The following SF3B2 variants were observed in gnomAD, a reference collection of about 807,000 sequenced individuals.
The protein encoded by SF3B2 is splicing factor 3b subunit 2, also known as SAP 145.
Under a neutral mutation model 116.3 loss-of-function variants are expected in SF3B2, and 22 were observed. The ratio of observed to expected loss-of-function variants is 0.19; its 90% CI spans 0.14 to 0.27. The LOEUF is 0.27. SF3B2 is among the 10% of genes least tolerant of loss of function. The probability of loss-of-function intolerance (pLI) is 1.00; values close to 1 mark genes in which losing one functional copy is unlikely to be tolerated. For missense variants in SF3B2, 767 were observed against 1,151.4 expected (o/e 0.67, Z 4.83); for synonymous variants, 406 against 421.6 (o/e 0.96, Z 0.45).
Position 66,060,582 on chromosome 11 carries a change from G to A in SF3B2, c.1630G>A (p.Glu544Lys). 6.2e-7 allele frequency: 1 copy of A among 1,614,132 alleles called. No homozygotes were observed. The highest frequency in any genetic ancestry group is 8.5e-7 in the Non-Finnish European group (1 of 1,180,006). Residue 544 changes from glutamate (E) to lysine (K), a missense_variant and splice_region_variant, in exon 14 of 22, where the codon GAA becomes AAA. Transcript: ENST00000322535. ...QEMREALQEK[E>K]EQKTMKSKMR... is the part of the protein sequence containing the mutation. ...GCTTGTTTGCTGCCATTCTCCACAG[G>A]AAGAACAGAAGACCATGAAGTCAAA...
chr11:66,058,054 A>C lies in SF3B2; in HGVS notation c.778A>C (p.Met260Leu), dbSNP rs140538228. ...PPPPGDENREMDDPSVGPKIP... is the reference protein window; with the variant it reads ...PPPPGDENRELDDPSVGPKIP... ...TTCTCTGACTGGGTGTCTCTGGCAG[A>C]TGGATGACCCCTCTGTGGGCCCCAA... The change falls in exon 8 of 22, where the codon ATG (methionine) becomes CTG (leucine). Residue 260 changes from methionine to leucine, a missense_variant and splice_region_variant. Met to Leu is a conservative substitution (Grantham distance 15). Transcript: ENST00000322535. 1.6e-4 allele frequency: 261 copies of C among 1,603,592 alleles called. No homozygotes were observed. Among genetic ancestry groups the C allele is most frequent in the Middle Eastern group, 3.3e-4 (2 of 6,002 alleles).
chr11:66,059,168 AG>A lies in SF3B2; in HGVS notation c.1183-30del. On this transcript the variant is annotated intron_variant, in intron 10 of 21. Transcript: ENST00000322535. This position sits in a 1 kb window ranked among gnomAD's most constrained non-coding sequence, Gnocchi z 5.0. ...CCTTAGGAACTGGGAAGGGGCTCAGAGGGCAGGGGTTTCACCTTGTCTGCCT... is the reference window on the plus strand; with the variant it reads ...CCTTAGGAACTGGGAAGGGGCTCAGAGGCAGGGGTTTCACCTTGTCTGCCT... The A allele has an allele frequency of 6.2e-7, 1 of 1,613,752 alleles. No individual in the cohort carries two copies. Among genetic ancestry groups the A allele is most frequent in the Non-Finnish European group, 8.5e-7 (1 of 1,179,866 alleles).
intron 14 of SF3B2, 34 bp downstream of exon 14, chr11:66,060,765 C>A (rs770930676): frequency 4.0e-5 from 64 of 1,608,754 alleles, no homozygotes; most frequent in Non-Finnish European, 5.4e-5. Context: ...TCAGGCTGGG[C>A]CTTGGGGTTG....
chr11:66,059,624 T>C lies in SF3B2; in HGVS notation c.1401+29T>C. 1.9e-6 allele frequency: 3 copies of C among 1,611,336 alleles called. No individual in the cohort carries two copies. The highest frequency in any genetic ancestry group is 2.5e-6 in the Non-Finnish European group (3 of 1,177,650). ...AGACCTGAGAGGATCCTGCAGGCCCTGGAGCCCAGCTGGGAGACCACCTGG... is the reference window on the plus strand; with the variant it reads ...AGACCTGAGAGGATCCTGCAGGCCCCGGAGCCCAGCTGGGAGACCACCTGG... On this transcript the variant is annotated intron_variant, in intron 12 of 21. Coordinates refer to ENST00000322535, the MANE Select transcript of SF3B2 (RefSeq NM_006842.3). The surrounding 1 kb of genome is among the most constrained non-coding windows in gnomAD (Gnocchi z 5.0).
intron 13 of SF3B2, 49 bp downstream of exon 13, chr11:66,060,058 C>T: frequency 1.3e-6 from 2 of 1,531,066 alleles, no homozygotes; most frequent in Non-Finnish European, 1.8e-6. Flanking sequence ...CCCCATCCTT[C>T]ATAGCAGTGT....
chr11:66,052,381 T>C lies in SF3B2; in HGVS notation c.-4T>C, dbSNP rs770617565. Reference sequence around the variant, plus strand: ...GGTTGGTCGCGCGCCTTCCTGCGGCTAAGATGGCGACGGAGCATCCCGAGC... The same window carrying C: ...GGTTGGTCGCGCGCCTTCCTGCGGCCAAGATGGCGACGGAGCATCCCGAGC... On this transcript the variant is annotated 5_prime_UTR_variant, in exon 1 of 22. Coordinates refer to ENST00000322535, the MANE Select transcript of SF3B2 (RefSeq NM_006842.3). The C allele has an allele frequency of 3.0e-5, 48 of 1,609,188 alleles. No individual in the cohort carries two copies. The highest frequency in any genetic ancestry group is 4.1e-5 in the Non-Finnish European group (48 of 1,178,426).
At chr11:66,058,239 G>A in intron 8 of SF3B2, 75 bp from the exon 9 acceptor site, 1 of 1,571,702 alleles carries the variant, frequency 6.4e-7, no homozygotes, top group South Asian at 1.1e-5. Flanking sequence ...CCTGGCTCTT[G>A]GTAAAGGCAG....
At position 66,059,818 on chromosome 11, in the gene SF3B2, G is replaced by A; in HGVS notation, c.1438G>A (p.Val480Met). The change falls in exon 13 of 22, where the codon GTG becomes ATG. Residue 480 changes from valine (V) to methionine (M), a missense_variant. Coordinates refer to ENST00000322535, the MANE Select transcript of SF3B2 (RefSeq NM_006842.3). The surrounding 1 kb of genome is among the most constrained non-coding windows in gnomAD (Gnocchi z 5.0). ...GCCCGATGTCGTGGAGATGCACGAT[G>A]TGACAGCGCAGGACCCTAAGCTCTT... ...ARPDVVEMHD[V>M]TAQDPKLLVH... The A allele has an allele frequency of 6.2e-7, 1 of 1,614,238 alleles. No homozygotes were observed. Among genetic ancestry groups the A allele is most frequent in the Non-Finnish European group, 8.5e-7 (1 of 1,180,042 alleles).
chr11:66,063,026 C>T lies in SF3B2; in HGVS notation c.1995C>T (p.Tyr665=). The change falls in exon 17 of 22, where the codon TAC becomes TAT. Residue 665 remains tyrosine, a synonymous_variant. Coordinates refer to ENST00000322535, the MANE Select transcript of SF3B2 (RefSeq NM_006842.3). Reference sequence around the variant, plus strand: ...TCTTGCAGAGCTGTTCCTTTGGGTACCATGCTGGTGGCTGGGGCAAACCTC... The same window carrying T: ...TCTTGCAGAGCTGTTCCTTTGGGTATCATGCTGGTGGCTGGGGCAAACCTC... The part of the protein sequence containing the change: ...SPIPESCSFG[Y]HAGGWGKPPV... 1 of 1,613,602 alleles carries T rather than the reference C, an allele frequency of 6.2e-7. No homozygotes were observed. Among genetic ancestry groups the T allele is most frequent in the Non-Finnish European group, 8.5e-7 (1 of 1,179,686 alleles).
rs1857069220 is a variant in SF3B2 at position 66,059,729 on chromosome 11, C to T, written c.1402-53C>T. 88 of 1,605,374 alleles carry T rather than the reference C, an allele frequency of 5.5e-5. No individual in the cohort carries two copies. The South Asian group carries it at 8.8e-4, about 16-fold the overall frequency. On this transcript the variant is annotated intron_variant, in intron 12 of 21. Coordinates refer to ENST00000322535, the MANE Select transcript of SF3B2 (RefSeq NM_006842.3). This position sits in a 1 kb window ranked among gnomAD's most constrained non-coding sequence, Gnocchi z 5.0. The stretch of plus-strand genomic sequence containing the variant: ...TGGGTCCTTTGAGGAAGAAGAGCTT[C>T]AGAACTGAGAAGTCGGGGCTCTCGA...
At chr11:66,052,648 A>G (rs768249084) in intron 1 of SF3B2, 25 bp from the exon 2 acceptor site, 7 of 1,597,814 alleles carry the variant, frequency 4.4e-6, no homozygotes, top group Admixed American at 1.8e-5. Context: ...GGCCTGCCCC[A>G]TTGATCGTGT....
At chr11:66,057,603 G>A (rs1857024483) in intron 7 of SF3B2, among the ~76,000 whole-genome samples, 1 of 152,142 alleles carries the variant, frequency 6.6e-6, no homozygotes, top group Admixed American at 6.5e-5. Context: ...ACTGAGCCCA[G>A]TTGGTGTTGC....
At chr11:66,068,636 C>CAACCTGTCTT (rs1447910918) in intron 21 of SF3B2, 38 bp from the exon 22 acceptor site, 1 of 1,600,864 alleles carries the variant, frequency 6.2e-7, no homozygotes, top group Non-Finnish European at 8.6e-7. Flanking sequence ...GGGGGTGGTT[C>CAACCTGTCTT]AACCTGTCTT....
intron 2 of SF3B2, 138 bp from the exon 3 acceptor site, chr11:66,052,889 C>T: frequency 1.7e-6 from 2 of 1,187,104 alleles, no homozygotes; most frequent in Non-Finnish European, 2.5e-6. Flanking sequence ...TTCTTGTATC[C>T]ATCTTGGTCC....
At chr11:66,052,926 C>T (rs1856912230) in intron 2 of SF3B2, 101 bp from the exon 3 acceptor site, 5 of 1,311,562 alleles carry the variant, frequency 3.8e-6, no homozygotes, top group Non-Finnish European at 5.5e-6. Context: ...AGAGCGCTGG[C>T]AGACAGGCAC....
In SF3B2 at chr11:66,069,241, T is replaced by G; in HGVS notation, c.*496T>G. On this transcript the variant is annotated 3_prime_UTR_variant, in exon 22 of 22. Coordinates refer to ENST00000322535, the MANE Select transcript of SF3B2 (RefSeq NM_006842.3). ...CCAGGGCAGGCCTTCCCAACTGACC[T>G]TGTGACCAGAAGTTCAAGTCCTTAC... 2.6e-6 allele frequency: 1 copy of G among 384,636 alleles called. No homozygotes were observed. Among genetic ancestry groups the G allele is most frequent in the Non-Finnish European group, 5.4e-6 (1 of 185,242 alleles). The allele number at this position is 384,636 out of a possible 1,614,324, so 23.8% of individuals were successfully genotyped here. A position where few individuals can be genotyped will look rare whatever the true frequency, so the allele number is the denominator to read the frequency against.
intron 21 of SF3B2, 89 bp downstream of exon 21, chr11:66,068,422 G>T (rs1375680766): frequency 1.3e-5 from 18 of 1,334,682 alleles, no homozygotes; most frequent in African/African-American, 4.4e-5. Context: ...AGTGGTGAGA[G>T]TGAGGGTGGC....
Position 66,054,953 on chromosome 11 carries a change from G to A in SF3B2, c.259-123G>A. The A allele has an allele frequency of 3.3e-6, 3 of 905,622 alleles. No homozygotes were observed. The South Asian group carries it at 6.0e-5, about 18-fold the overall frequency. 56.1% of individuals were successfully genotyped at this position (905,622 alleles called of 1,614,324 possible). A position where few individuals can be genotyped will look rare whatever the true frequency, so the allele number is the denominator to read the frequency against. On this transcript the variant is annotated intron_variant, in intron 3 of 21. Transcript: ENST00000322535. ...AGAGCTGTGGAGCATTCTCTCTTAT[G>A]GAGTGGTAACTATGTATCATTTGAC... is the stretch of plus-strand genomic sequence containing the variant.
chr11:66,058,406 G>T lies in SF3B2; in HGVS notation c.966+1G>T, dbSNP rs1857040446. On this transcript the variant is annotated splice_donor_variant, in intron 9 of 21. Coordinates refer to ENST00000322535, the MANE Select transcript of SF3B2 (RefSeq NM_006842.3). LOFTEE classifies it high-confidence loss of function. ...CACAGTGTCCGTATCTAAAAAGGAG[G>T]TAGGGATTGGAGCTGAGTGTGGAAG... The T allele has an allele frequency of 6.2e-7, 1 of 1,612,240 alleles. No homozygotes were observed.
Sources: gnomAD v4.1 joint callset for allele counts (sites outside exome capture counted in the v4.1 genomes callset) on GRCh38, gnomAD v4.1.1 for gene constraint, Gnocchi (gnomAD v3.1) non-coding constraint, MANE v1.5 for transcripts, NCBI Gene and HGNC (gene_info 2026-07-23, HGNC 2026-07-21) for gene names.